Variants in DPP6 observed in about 807,000 individuals in gnomAD.
DPP6 encodes dipeptidyl peptidase like 6, also known as A-type potassium channel modulatory protein DPP6.
DPP6 carries 69 observed loss-of-function variants against 122.6 expected under a neutral mutation model. That is an observed-to-expected ratio of 0.56 (90% CI 0.46 to 0.69). DPP6 has a LOEUF of 0.69. Among genes scored for constraint, DPP6 ranks in the 30% least tolerant of loss-of-function variants. The probability of loss-of-function intolerance (pLI) is 0.00; values close to 1 mark genes in which losing one functional copy is unlikely to be tolerated. For synonymous variants in DPP6, 418 were observed against 433.1 expected (o/e 0.97, Z 0.43); for missense variants, 928 against 1,116.9 (o/e 0.83, Z 2.41).
At chr7:154,398,312 A>T (rs1398161499) in intron 1 of DPP6, among the ~76,000 whole-genome samples, 1 of 152,198 alleles carries the variant, frequency 6.6e-6, no homozygotes, top group African/African-American at 2.4e-5. Flanking sequence ...AGATCTCTCA[A>T]CTAATTAGTA....
At chr7:154,006,330 A>G (rs372823581) in intron 1 of DPP6, among the ~76,000 whole-genome samples, 36 of 151,848 alleles carry the variant, frequency 2.4e-4, no homozygotes, top group Non-Finnish European at 4.1e-4. Flanking sequence ...AATCAGTCCT[A>G]TCTGCTCGCA....
At chr7:154,791,514 C>A (rs1159019679) in intron 10 of DPP6, among the ~76,000 whole-genome samples, 1 of 152,118 alleles carries the variant, frequency 6.6e-6, no homozygotes. Context: ...GGAAACCACC[C>A]GCATGATTCA....
intron 1 of DPP6, among the ~76,000 whole-genome samples, chr7:154,358,211 T>C (rs911299424): frequency 6.6e-6 from 1 of 152,184 alleles, no homozygotes; most frequent in African/African-American, 2.4e-5. Context: ...GTATACCAGT[T>C]GGCTCACCTG....
intron 21 of DPP6, among the ~76,000 whole-genome samples, chr7:154,881,891 A>C (rs1214935647): frequency 1.3e-5 from 2 of 152,148 alleles, no homozygotes; most frequent in Non-Finnish European, 2.9e-5. Context: ...CCAGGTGCCT[A>C]GATGTCCACT....
chr7:154,127,035 G>A (rs79527835), intron 1 of DPP6, among the ~76,000 whole-genome samples: 62,725 of 151,968 alleles, frequency 0.41, 14,160 homozygotes, highest in Non-Finnish European at 0.51. Context: ...TAAATCCATC[G>A]TAATTACATT....
In DPP6 at chr7:154,568,239, G is replaced by A. The variant is rs116302461; in HGVS notation, c.627+1323G>A. Among the ~76,000 whole-genome samples, 1,034 of 152,316 alleles carry A rather than the reference G, an allele frequency of 6.8e-3. 13 individuals carry two copies. Among genetic ancestry groups the A allele is most frequent in the African/African-American group, 0.022 (905 of 41,572 alleles). On this transcript the variant is annotated intron_variant, in intron 5 of 25. Coordinates refer to ENST00000377770, the MANE Select transcript of DPP6 (RefSeq NM_130797.4). Reference sequence around the variant, plus strand: ...CCTTCATCACCCTTGAAAACCACCAGAAATACAATCTCCACACCTGTATAA... The same window carrying A: ...CCTTCATCACCCTTGAAAACCACCAAAAATACAATCTCCACACCTGTATAA...
chr7:154,273,181 A>C (rs1363951689), intron 1 of DPP6, among the ~76,000 whole-genome samples: 1 of 152,140 alleles, frequency 6.6e-6, no homozygotes, highest in Non-Finnish European at 1.5e-5. Flanking sequence ...TCAATTTGCA[A>C]TTCCCAATAA....
chr7:154,072,232 A>C (rs1803170913), intron 1 of DPP6, among the ~76,000 whole-genome samples: 1 of 152,280 alleles, frequency 6.6e-6, no homozygotes, highest in East Asian at 1.9e-4. Flanking sequence ...CATTCCCCCT[A>C]AACTCCATAT....
rs148629982 is a variant in DPP6 at position 153,952,610 on chromosome 7, A to G, written c.51+64876A>G. ...CACATGGGGTGAAATGTGGAGAACCAATGTCTTATGAGCACCTTTGAATGA... is the reference window on the plus strand; with the variant it reads ...CACATGGGGTGAAATGTGGAGAACCGATGTCTTATGAGCACCTTTGAATGA... On this transcript the variant is annotated intron_variant, in intron 1 of 25. Transcript: ENST00000404039. Among the ~76,000 whole-genome samples the G allele has an allele frequency of 2.9e-3, 436 of 152,354 alleles. 2 individuals carry two copies. Among genetic ancestry groups the G allele is most frequent in the African/African-American group, 0.01 (419 of 41,580 alleles).
intron 3 of DPP6, among the ~76,000 whole-genome samples, chr7:154,515,992 C>T (rs1336173725): frequency 6.6e-6 from 1 of 152,116 alleles, no homozygotes; most frequent in Non-Finnish European, 1.5e-5. Context: ...TAAATTTTGC[C>T]AAATTCGATC....
intron 16 of DPP6, among the ~76,000 whole-genome samples, chr7:154,835,758 TC>T (rs1260540561): frequency 6.6e-6 from 1 of 152,186 alleles, no homozygotes; most frequent in Non-Finnish European, 1.5e-5. Context: ...ATTCTTTGCT[TC>T]CAAGACACAC....
intron 5 of DPP6, among the ~76,000 whole-genome samples, chr7:154,616,405 A>T (rs957937838): frequency 4.6e-5 from 7 of 152,120 alleles, no homozygotes; most frequent in African/African-American, 1.4e-4. Flanking sequence ...TGAAATTTTG[A>T]GCTTAAGGAA....
At chr7:154,441,733 T>C (rs1357768803) in intron 1 of DPP6, among the ~76,000 whole-genome samples, 1 of 152,186 alleles carries the variant, frequency 6.6e-6, no homozygotes, top group Non-Finnish European at 1.5e-5. Context: ...AGGGTCCTCC[T>C]TGAATCAGTT....
At chr7:154,145,685 G>A (rs1796055926) in intron 1 of DPP6, among the ~76,000 whole-genome samples, 3 of 119,682 alleles carry the variant, frequency 2.5e-5, no homozygotes, top group African/African-American at 9.3e-5. Flanking sequence ...ACAGCGGTTT[G>A]GCTAACGGTG....
In DPP6 at chr7:154,101,558, G is replaced by A. The variant is rs2533840; in HGVS notation, c.243+48495G>A. 5.1e-3 allele frequency among the ~76,000 whole-genome samples: 768 copies of A among 149,866 alleles called. 16 individuals carry two copies. The highest frequency in any genetic ancestry group is 0.018 in the African/African-American group (723 of 39,300). On this transcript the variant is annotated intron_variant, in intron 1 of 25. Transcript: ENST00000377770. ...AAAGGGGTGATCAGCAATGTTTAATGTTGTCACAGGCAAGAAATATGCAGG... is the reference window on the plus strand; with the variant it reads ...AAAGGGGTGATCAGCAATGTTTAATATTGTCACAGGCAAGAAATATGCAGG...
At chr7:154,672,813 A>T (rs563258311) in intron 7 of DPP6, among the ~76,000 whole-genome samples, 1 of 152,260 alleles carries the variant, frequency 6.6e-6, no homozygotes, top group East Asian at 1.9e-4. Flanking sequence ...CAGATAGCAC[A>T]TGTTTCAGTC....
chr7:154,115,412 G>A (rs780131060), intron 1 of DPP6, among the ~76,000 whole-genome samples: 1 of 152,188 alleles, frequency 6.6e-6, no homozygotes, highest in Admixed American at 6.5e-5. Flanking sequence ...CATCAGACTA[G>A]GAAGCCATTA....
intron 1 of DPP6, among the ~76,000 whole-genome samples, chr7:154,433,429 G>A (rs1340721303): frequency 2.0e-5 from 3 of 151,376 alleles, no homozygotes; most frequent in Admixed American, 6.6e-5. Flanking sequence ...TCAGCCTCCC[G>A]AAGTGCTGTG....
chr7:154,627,895 A>G (rs1319649235), intron 5 of DPP6, among the ~76,000 whole-genome samples: 2 of 152,214 alleles, frequency 1.3e-5, no homozygotes, highest in Non-Finnish European at 2.9e-5. Flanking sequence ...TGGGTTTTGC[A>G]TGTGGGAGGG....
Sources: gnomAD v4.1 joint callset for allele counts (sites outside exome capture counted in the v4.1 genomes callset) on GRCh38, gnomAD v4.1.1 for gene constraint, MANE v1.5 for transcripts, NCBI Gene and HGNC (gene_info 2026-07-23, HGNC 2026-07-21) for gene names.